The following MAN1A1 variants were observed in gnomAD, a reference collection of about 807,000 sequenced individuals.
MAN1A1 encodes the protein mannosidase alpha class 1A member 1, also known as mannosyl-oligosaccharide 1,2-alpha-mannosidase IA.
In MAN1A1, 29 loss-of-function variants were observed where a neutral mutation model predicts 70.8. The ratio of observed to expected loss-of-function variants is 0.41; its 90% confidence interval spans 0.31 to 0.56. The LOEUF is 0.56. Ranked by LOEUF, MAN1A1 falls within the 20% of genes least tolerant of loss-of-function variation. MAN1A1 has a pLI of 0.29. For missense variants in MAN1A1, 747 were observed against 841.3 expected, an observed-to-expected ratio of 0.89 and a Z score of 1.39; for synonymous variants, 349 against 330.1, an observed-to-expected ratio of 1.06 and a Z score of -0.62.
chr6:119,305,445 CTCTT>C (rs1303422487), intron 3 of MAN1A1, among the ~76,000 whole-genome samples: 1 of 150,670 alleles, frequency 6.6e-6, no homozygotes, highest in African/African-American at 2.4e-5. Flanking sequence ...CAGAGTTTCT[CTCTT>C]CAATTCATAC....
intron 7 of MAN1A1, 92 bp from the exon 8 acceptor site, chr6:119,201,439 G>T: frequency 1.2e-6 from 1 of 805,774 alleles, no homozygotes; most frequent in Non-Finnish European, 2.1e-6. Context: ...TGACTTAAAT[G>T]ATGCAGAGTT....
At chr6:119,262,129 G>A (rs1004103553) in intron 5 of MAN1A1, among the ~76,000 whole-genome samples, 1 of 152,148 alleles carries the variant, frequency 6.6e-6, no homozygotes, top group Non-Finnish European at 1.5e-5. Context: ...CAGAATCAAG[G>A]TGCAAAAGAA....
Position 119,349,307 on chromosome 6 carries a change from A to G in MAN1A1, c.-222-20T>C. 8.4e-7 allele frequency: 1 copy of G among 1,192,504 alleles called. No homozygotes were observed. Among genetic ancestry groups the G allele is most frequent in the Non-Finnish European group, 1.0e-6 (1 of 962,822 alleles). The allele number at this position is 1,192,504 out of a possible 1,614,324, so 73.9% of individuals were successfully genotyped here. ...CAGCCCCTGCGGGGAGAGAAACAGT[A>G]AAACGTAGTAATTACGGCGATGATA... On this transcript the variant is annotated intron_variant, in intron 1 of 12. Coordinates refer to ENST00000368468, the MANE Select transcript of MAN1A1 (RefSeq NM_005907.4).
At chr6:119,333,411 T>C (rs1254497516) in intron 2 of MAN1A1, among the ~76,000 whole-genome samples, 2 of 152,164 alleles carry the variant, frequency 1.3e-5, no homozygotes, top group Non-Finnish European at 2.9e-5. Flanking sequence ...TTACTGAGTA[T>C]TAAGGTGACT....
intron 5 of MAN1A1, among the ~76,000 whole-genome samples, chr6:119,248,745 G>C (rs1775237915): frequency 6.6e-6 from 1 of 152,210 alleles, no homozygotes; most frequent in African/African-American, 2.4e-5. Flanking sequence ...TGGAGGATAA[G>C]ACCCGGACTG....
At chr6:119,229,295 T>C (rs1774610471) in intron 6 of MAN1A1, among the ~76,000 whole-genome samples, 1 of 152,066 alleles carries the variant, frequency 6.6e-6, no homozygotes, top group Non-Finnish European at 1.5e-5. Flanking sequence ...TGAAAAAAGT[T>C]TGGGAAGCAG....
At chr6:119,273,292 C>T (rs1775974352) in intron 5 of MAN1A1, among the ~76,000 whole-genome samples, 1 of 152,122 alleles carries the variant, frequency 6.6e-6, no homozygotes, top group Admixed American at 6.5e-5. Flanking sequence ...CAACCGGAAG[C>T]AAATATTTAG....
chr6:119,187,979 G>T (rs1187206241), intron 11 of MAN1A1, among the ~76,000 whole-genome samples: 2 of 152,136 alleles, frequency 1.3e-5, no homozygotes, highest in Non-Finnish European at 2.9e-5. Flanking sequence ...CTAAAAGTTA[G>T]ATCTAAGTAG....
chr6:119,270,419 T>G (rs918802623), intron 5 of MAN1A1, among the ~76,000 whole-genome samples: 2 of 152,216 alleles, frequency 1.3e-5, no homozygotes, highest in Admixed American at 6.5e-5. Flanking sequence ...AGTATACACT[T>G]TAGTGGCTTT....
At chr6:119,216,007 C>T (rs567750745) in intron 6 of MAN1A1, among the ~76,000 whole-genome samples, 113 of 152,240 alleles carry the variant, frequency 7.4e-4, no homozygotes, top group African/African-American at 2.5e-3. Context: ...GTGGCTCTTA[C>T]AAGTGTCCTA....
chr6:119,180,254 T>C, intron 12 of MAN1A1, 58 bp downstream of exon 12: 1 of 1,143,358 alleles, frequency 8.7e-7, no homozygotes. Flanking sequence ...GATAAAGACA[T>C]CTACAAAGAT....
chr6:119,335,164 C>T (rs1337212126), intron 2 of MAN1A1, among the ~76,000 whole-genome samples: 2 of 152,174 alleles, frequency 1.3e-5, no homozygotes, highest in African/African-American at 2.4e-5. Flanking sequence ...GTCAATACAG[C>T]AATACTGCAG....
intron 6 of MAN1A1, among the ~76,000 whole-genome samples, chr6:119,233,420 A>G (rs1437218329): frequency 2.0e-5 from 3 of 152,242 alleles, no homozygotes; most frequent in African/African-American, 4.8e-5. Flanking sequence ...CTTTAAGCCA[A>G]TTAAAAAAAT....
chr6:119,344,537 TG>T (rs1773678384), intron 2 of MAN1A1, among the ~76,000 whole-genome samples: 1 of 152,256 alleles, frequency 6.6e-6, no homozygotes, highest in South Asian at 2.1e-4. Flanking sequence ...CACGGCACAG[TG>T]GCACAGGCAA....
At chr6:119,287,916 T>C (rs1481331972) in intron 5 of MAN1A1, among the ~76,000 whole-genome samples, 2 of 152,070 alleles carry the variant, frequency 1.3e-5, no homozygotes, top group African/African-American at 4.8e-5. Flanking sequence ...TTGTAATTCT[T>C]GTGGTTGAGC....
In MAN1A1 at chr6:119,309,866, G is replaced by T. The variant is rs574553333; in HGVS notation, c.604-2874C>A. Among the ~76,000 whole-genome samples, 56 of 139,694 alleles carry T rather than the reference G, an allele frequency of 4.0e-4. 1 individual carries two copies. In the South Asian group the frequency reaches 0.012, roughly 29 times the overall value. 91.6% of individuals were successfully genotyped at this position (139,694 alleles called of 152,430 possible). ...CCTTGACTCCATGCTTATAAGAAAA[G>T]ATTCTTTGATTTGTACTTTCTTCTT... On this transcript the variant is annotated intron_variant, in intron 2 of 12. Transcript: ENST00000368468.
intron 12 of MAN1A1, 101 bp downstream of exon 12, chr6:119,180,211 C>T: frequency 1.2e-6 from 1 of 838,914 alleles, no homozygotes; most frequent in Non-Finnish European, 1.9e-6. Context: ...TATTCTGAAT[C>T]AGGCATACTT....
At chr6:119,221,649 C>T (rs938123806) in intron 6 of MAN1A1, among the ~76,000 whole-genome samples, 2 of 151,976 alleles carry the variant, frequency 1.3e-5, no homozygotes, top group South Asian at 2.1e-4. Context: ...GACAGGGTTT[C>T]ACCATGTTGG....
At chr6:119,238,428 C>A (rs963069932) in intron 6 of MAN1A1, among the ~76,000 whole-genome samples, 1 of 152,122 alleles carries the variant, frequency 6.6e-6, no homozygotes, top group Admixed American at 6.6e-5. Context: ...GTATAATGAA[C>A]TCGAACACAG....
Sources: allele counts gnomAD v4.1 joint callset (sites outside exome capture counted in the v4.1 genomes callset), GRCh38; gene constraint gnomAD v4.1.1; transcripts MANE v1.5; gene names NCBI Gene and HGNC (gene_info 2026-07-23, HGNC 2026-07-21).